Variants in RBM19 observed in about 807,000 individuals in gnomAD.
RBM19 encodes the protein probable RNA-binding protein 19.
In RBM19, 94 loss-of-function variants were observed where a neutral mutation model predicts 116.8. That is an observed-to-expected ratio of 0.80 (90% CI 0.68 to 0.95). RBM19 has a LOEUF of 0.95. Among genes scored for constraint, RBM19 ranks in the 40% least tolerant of loss-of-function variants. RBM19 has a pLI of 0.00. For missense variants in RBM19, 1,161 were observed against 1,220.7 expected (o/e 0.95, Z 0.73); for synonymous variants, 475 against 494.1 (o/e 0.96, Z 0.51).
chr12:113,962,716 G>A (rs141933173), intron 1 of RBM19, among the ~76,000 whole-genome samples: 23 of 152,344 alleles, frequency 1.5e-4, no homozygotes, highest in Admixed American at 1.1e-3. Flanking sequence ...GCAGTATTAC[G>A]TCTGCTACAT....
chr12:113,888,793 A>T (rs923509434), intron 21 of RBM19, among the ~76,000 whole-genome samples: 1 of 152,172 alleles, frequency 6.6e-6, no homozygotes, highest in African/African-American at 2.4e-5. Context: ...GGAGGTAAAA[A>T]CTTCAACCTC....
chr12:113,900,216 T>G (rs1881601492), intron 21 of RBM19, among the ~76,000 whole-genome samples: 1 of 152,176 alleles, frequency 6.6e-6, no homozygotes, highest in African/African-American at 2.4e-5. Context: ...GGTTAATTAT[T>G]TATTTTTTTA....
At chr12:113,837,244 A>AACACACAC (rs1328905404) in intron 23 of RBM19, among the ~76,000 whole-genome samples, 1 of 13,566 alleles carries the variant, frequency 7.4e-5, no homozygotes, top group Non-Finnish European at 1.4e-4. Flanking sequence ...CCATCCTCCT[A>AACACACAC]ATACACACAC....
chr12:113,959,055 G>A (rs1202802030), intron 5 of RBM19, among the ~76,000 whole-genome samples, 157 bp downstream of exon 5: 1 of 152,250 alleles, frequency 6.6e-6, no homozygotes, highest in East Asian at 1.9e-4. Flanking sequence ...TAGGATCAGT[G>A]AAGACAGATG....
intron 4 of RBM19, 111 bp from the exon 5 acceptor site, chr12:113,959,515 C>T (rs1872298936): frequency 8.1e-7 from 1 of 1,234,980 alleles, no homozygotes. Flanking sequence ...GTGAGAAGAT[C>T]CCTCAAGCTA....
Position 113,959,920 on chromosome 12 carries a change from C to G in RBM19, c.340-17G>C, listed in dbSNP as rs762379545. 6.2e-7 allele frequency: 1 copy of G among 1,614,190 alleles called. No individual in the cohort carries two copies. Among genetic ancestry groups the G allele is most frequent in the South Asian group, 1.1e-5 (1 of 91,078 alleles). On this transcript the variant is annotated splice_polypyrimidine_tract_variant and intron_variant, in intron 3 of 23. Coordinates refer to ENST00000261741, the MANE Select transcript of RBM19 (RefSeq NM_016196.4). ...CTTCTCATCCTGAAAACAGAAGGCA[C>G]AGAGAGTGAGGGTCACACAGATGAA...
At chr12:113,912,929 C>T (rs1025576790) in intron 21 of RBM19, among the ~76,000 whole-genome samples, 1 of 152,236 alleles carries the variant, frequency 6.6e-6, no homozygotes, top group African/African-American at 2.4e-5. Flanking sequence ...CATCCCCAGC[C>T]GGAGTGAACA....
At position 113,957,851 on chromosome 12, in the gene RBM19, G is replaced by A. The variant is rs771523140; in HGVS notation, c.771C>T (p.Asp257=). ...CTTGCTCTTGGCCTGCACCCTTGCT[G>A]TCTCTTTCCTGCAGGACTGGGGTGG... ...SSATPVLQER[D]SKGAGQEQGM... The change falls in exon 6 of 24, where the codon GAC becomes GAT. Residue 257 remains aspartate (D), a synonymous_variant. Coordinates refer to ENST00000261741, the MANE Select transcript of RBM19 (RefSeq NM_016196.4). 1.9e-6 allele frequency: 3 copies of A among 1,614,090 alleles called. No individual in the cohort carries two copies. Among genetic ancestry groups the A allele is most frequent in the Non-Finnish European group, 2.5e-6 (3 of 1,179,990 alleles).
chr12:113,927,374 C>G (rs969126647), intron 16 of RBM19, 145 bp from the exon 17 acceptor site: 5 of 917,862 alleles, frequency 5.4e-6, no homozygotes, highest in East Asian at 2.7e-5. Flanking sequence ...GAAGGGGCAC[C>G]GTGATCCCCA....
chr12:113,925,737 G>A lies in RBM19; in HGVS notation c.2245-980C>T, dbSNP rs557711478. On this transcript the variant is annotated intron_variant, in intron 17 of 23. Transcript: ENST00000261741. ...GACTGAACTAGGTCGTCTTGGCTAT[G>A]ACTTCCAGCTCCAGAATCCTTGAAT... Among the ~76,000 whole-genome samples, 58 of 152,278 alleles carry A rather than the reference G, an allele frequency of 3.8e-4. No homozygotes were observed. In the South Asian group the frequency reaches 0.011, roughly 30 times the overall value.
At chr12:113,857,871 A>G (rs1878029215) in intron 22 of RBM19, among the ~76,000 whole-genome samples, 1 of 152,224 alleles carries the variant, frequency 6.6e-6, no homozygotes, top group African/African-American at 2.4e-5. Flanking sequence ...CTGTGACTCC[A>G]GGAAATGTTC....
rs763500969 is a variant in RBM19 at position 113,942,353 on chromosome 12, T to C, written c.1708A>G (p.Asn570Asp). ...CTGAAGGAATCCAGGCTGACCCCGT[T>C]GTCTATGAGAAAACGCCGCACTTCC... Reference protein sequence around the residue: ...VQEVRRFLIDNGVSLDSFSQA... With the variant: ...VQEVRRFLIDDGVSLDSFSQA... Residue 570 changes from asparagine to aspartate, a missense_variant, in exon 14 of 24, where the codon AAC becomes GAC. Coordinates refer to ENST00000261741, the MANE Select transcript of RBM19 (RefSeq NM_016196.4). The C allele has an allele frequency of 6.2e-7, 1 of 1,607,644 alleles. No homozygotes were observed. Among genetic ancestry groups the C allele is most frequent in the Non-Finnish European group, 8.5e-7 (1 of 1,179,836 alleles).
intron 21 of RBM19, among the ~76,000 whole-genome samples, chr12:113,880,721 C>A (rs548850194): frequency 7.1e-4 from 108 of 152,216 alleles, no homozygotes; most frequent in African/African-American, 2.6e-3. Flanking sequence ...ACCCCATCGC[C>A]CCATAACAAG....
chr12:113,929,816 C>T (rs77622954), intron 16 of RBM19, among the ~76,000 whole-genome samples: 12,566 of 152,218 alleles, frequency 0.083, 650 homozygotes, highest in East Asian at 0.17. Context: ...ACAGGGGGCC[C>T]AAGGAGAGTT....
chr12:113,830,036 A>G (rs1875234146), intron 23 of RBM19, among the ~76,000 whole-genome samples: 1 of 152,198 alleles, frequency 6.6e-6, no homozygotes, highest in African/African-American at 2.4e-5. Flanking sequence ...AAGCAGCCGC[A>G]CTAGGACTCT....
chr12:113,913,731 C>T (rs1169903145), intron 21 of RBM19, among the ~76,000 whole-genome samples: 1 of 152,220 alleles, frequency 6.6e-6, no homozygotes, highest in Non-Finnish European at 1.5e-5. Context: ...ACTGGCAACT[C>T]TAACAGAGGC....
chr12:113,941,048 C>A (rs530823669), intron 14 of RBM19, among the ~76,000 whole-genome samples: 2 of 152,304 alleles, frequency 1.3e-5, no homozygotes, highest in Non-Finnish European at 2.9e-5. Flanking sequence ...ATGGAAAAAT[C>A]TAGGCATATG....
chr12:113,955,032 A>G (rs1429227283), intron 7 of RBM19, 99 bp downstream of exon 7: 13 of 1,199,574 alleles, frequency 1.1e-5, no homozygotes, highest in South Asian at 2.5e-5. Context: ...CATGTCCTCA[A>G]CCGACTCTAA....
chr12:113,957,755 C>T lies in RBM19; in HGVS notation c.840+27G>A, dbSNP rs181547314. ...GCAAGCAGGAGAGCGCACCTCCTCCCTCATCACCTGCGGGATACACACGCA... is the reference window on the plus strand; with the variant it reads ...GCAAGCAGGAGAGCGCACCTCCTCCTTCATCACCTGCGGGATACACACGCA... On this transcript the variant is annotated intron_variant, in intron 6 of 23. Coordinates refer to ENST00000261741, the MANE Select transcript of RBM19 (RefSeq NM_016196.4). 6.6e-4 allele frequency: 1,018 copies of T among 1,544,044 alleles called. 11 individuals carry two copies. In the African/African-American group the frequency reaches 0.013, roughly 19 times the overall value.
Sources: allele counts gnomAD v4.1 joint callset (sites outside exome capture counted in the v4.1 genomes callset), GRCh38; gene constraint gnomAD v4.1.1; transcripts MANE v1.5; gene names NCBI Gene and HGNC (gene_info 2026-07-23, HGNC 2026-07-21).